The following DOCK8 variants were observed in gnomAD, a reference collection of about 807,000 sequenced individuals.
The protein encoded by DOCK8 is dedicator of cytokinesis 8.
Under a neutral mutation model 245.6 loss-of-function variants are expected in DOCK8, and 141 were observed. The ratio of observed to expected loss-of-function variants is 0.57; its 90% CI spans 0.50 to 0.66. DOCK8 has a LOEUF of 0.66. Ranked by LOEUF, DOCK8 falls within the 30% of genes least tolerant of loss-of-function variation. DOCK8 has a pLI of 0.00. For synonymous variants in DOCK8, 1,168 were observed against 970.2 expected, an observed-to-expected ratio of 1.20 and a Z score of -3.79; for missense variants, 2,965 against 2,603.4, an observed-to-expected ratio of 1.14 and a Z score of -3.02.
intron 1 of DOCK8, among the ~76,000 whole-genome samples, chr9:222,459 G>C (rs631722): frequency 0.35 from 53,373 of 151,914 alleles, 9,457 homozygotes; most frequent in African/African-American, 0.37. Context: ...CCCAGAAAAG[G>C]TATACCTGTT....
chr9:408,432 T>A (rs1018743231), intron 28 of DOCK8, among the ~76,000 whole-genome samples: 6 of 152,186 alleles, frequency 3.9e-5, no homozygotes, highest in African/African-American at 1.4e-4. Flanking sequence ...AACTTCACTT[T>A]CCATGGCTTC....
At chr9:344,127 G>A (rs76724192) in intron 14 of DOCK8, among the ~76,000 whole-genome samples, 2,395 of 152,134 alleles carry the variant, frequency 0.016, 53 homozygotes, top group African/African-American at 0.055. Context: ...AGGACACCCC[G>A]TTAGAAATGC....
At chr9:395,373 A>G (rs1176279513) in intron 24 of DOCK8, among the ~76,000 whole-genome samples, 3 of 151,978 alleles carry the variant, frequency 2.0e-5, no homozygotes, top group Non-Finnish European at 4.4e-5. Flanking sequence ...GTTTGTTTCC[A>G]TGCTAACAAA....
intron 2 of DOCK8, among the ~76,000 whole-genome samples, chr9:276,820 T>A (rs2048364528): frequency 1.3e-5 from 2 of 152,148 alleles, no homozygotes; most frequent in East Asian, 3.9e-4. Context: ...ATTTATTTAT[T>A]TATTTAGAGA....
At chr9:393,846 A>G (rs892805690) in intron 24 of DOCK8, among the ~76,000 whole-genome samples, 5 of 152,236 alleles carry the variant, frequency 3.3e-5, no homozygotes, top group African/African-American at 9.6e-5. Context: ...ACTGAAAAGC[A>G]TTGATCAAAA....
intron 30 of DOCK8, 85 bp downstream of exon 30, chr9:418,292 G>C (rs531685154): frequency 4.9e-5 from 77 of 1,575,838 alleles, no homozygotes; most frequent in Non-Finnish European, 6.2e-5. Flanking sequence ...TTTGTTTTGA[G>C]ACAGAGTCTC....
At chr9:348,705 A>G (rs1203984202) in intron 14 of DOCK8, among the ~76,000 whole-genome samples, 1 of 152,210 alleles carries the variant, frequency 6.6e-6, no homozygotes, top group Non-Finnish European at 1.5e-5. Flanking sequence ...TTTGATTTCT[A>G]TACTTTTGTT....
chr9:366,797 A>G (rs2053022987), intron 14 of DOCK8, among the ~76,000 whole-genome samples: 1 of 152,302 alleles, frequency 6.6e-6, no homozygotes, highest in African/African-American at 2.4e-5. Flanking sequence ...AACACTTTGC[A>G]GAGCACTAGG....
At chr9:337,953 A>G (rs1395401102) in intron 12 of DOCK8, among the ~76,000 whole-genome samples, 1 of 152,216 alleles carries the variant, frequency 6.6e-6, no homozygotes, top group Non-Finnish European at 1.5e-5. Flanking sequence ...CAGGAGTTCA[A>G]GACCAGCCTG....
chr9:241,507 T>G (rs2047372140), intron 1 of DOCK8, among the ~76,000 whole-genome samples: 1 of 152,200 alleles, frequency 6.6e-6, no homozygotes, highest in Non-Finnish European at 1.5e-5. Flanking sequence ...CTGGCTTATT[T>G]CACTTGGTGT....
intron 2 of DOCK8, among the ~76,000 whole-genome samples, chr9:272,208 C>T (rs529870306): frequency 1.3e-5 from 2 of 152,204 alleles, no homozygotes; most frequent in South Asian, 4.1e-4. Context: ...AACTTAGAGT[C>T]ACTTAACCTT....
intron 39 of DOCK8, among the ~76,000 whole-genome samples, chr9:438,287 G>A (rs796371043): frequency 2.6e-5 from 4 of 152,180 alleles, no homozygotes; most frequent in African/African-American, 9.6e-5. Context: ...TAAGAATTTC[G>A]AGACTATGTC....
intron 16 of DOCK8, among the ~76,000 whole-genome samples, chr9:371,039 C>T (rs984591509): frequency 3.3e-5 from 5 of 152,194 alleles, no homozygotes; most frequent in African/African-American, 1.2e-4. Context: ...TTTGCTTCTA[C>T]TCTTTGATGA....
intron 1 of DOCK8, 45 bp downstream of exon 1, chr9:215,074 G>A (rs758218649): frequency 1.9e-6 from 3 of 1,541,018 alleles, no homozygotes; most frequent in Non-Finnish European, 2.6e-6. Context: ...GGACAGCCCA[G>A]CGCTGGTGTG....
intron 8 of DOCK8, among the ~76,000 whole-genome samples, chr9:326,050 C>T (rs10970443): frequency 0.39 from 59,528 of 152,018 alleles, 12,300 homozygotes; most frequent in East Asian, 0.7. Context: ...AGCTTGGATG[C>T]GCATGTAAAG....
chr9:272,191 C>T (rs10812374), intron 2 of DOCK8, among the ~76,000 whole-genome samples: 29,685 of 152,018 alleles, frequency 0.2, 3,141 homozygotes, highest in East Asian at 0.39. Context: ...ATTTGGTGAA[C>T]TTGGGCAACT....
At chr9:273,874 T>C (rs2129985790) in intron 2 of DOCK8, among the ~76,000 whole-genome samples, 1 of 152,196 alleles carries the variant, frequency 6.6e-6, no homozygotes, top group African/African-American at 2.4e-5. Flanking sequence ...ATCTGGCTAA[T>C]TTTGTATTTT....
chr9:275,441 T>C (rs780253843), intron 2 of DOCK8, among the ~76,000 whole-genome samples: 1 of 152,166 alleles, frequency 6.6e-6, no homozygotes. Context: ...TTCTCAGCCC[T>C]GACTGGACAT....
chr9:405,540 T>C (rs1167048838), intron 27 of DOCK8, among the ~76,000 whole-genome samples: 1 of 152,166 alleles, frequency 6.6e-6, no homozygotes, highest in Non-Finnish European at 1.5e-5. Context: ...GAGGTGTGCA[T>C]GATAAGCAGT....
Sources: gnomAD v4.1 joint callset for allele counts (sites outside exome capture counted in the v4.1 genomes callset) on GRCh38, gnomAD v4.1.1 for gene constraint, MANE v1.5 for transcripts, NCBI Gene and HGNC (gene_info 2026-07-23, HGNC 2026-07-21) for gene names.